RSL1D1: variants seen among roughly 807,000 people sequenced by gnomAD.
RSL1D1 encodes the protein ribosomal L1 domain-containing protein 1.
In RSL1D1, 34 loss-of-function variants were observed where a neutral mutation model predicts 44.6. That is an observed-to-expected ratio of 0.76 (90% CI 0.58 to 1.02). RSL1D1 has a LOEUF of 1.02. Ranked by LOEUF, RSL1D1 falls within the 50% of genes least tolerant of loss-of-function variation. The probability of loss-of-function intolerance (pLI) is 0.00; values close to 1 mark genes in which losing one functional copy is unlikely to be tolerated. For missense variants in RSL1D1, 767 were observed against 568.1 expected (o/e 1.35, Z -3.56); for synonymous variants, 271 against 207.4 (o/e 1.31, Z -2.63).
rs1160012655 is a variant in RSL1D1, at chr16:11,846,608, A to C, written c.534-6T>G. 7 of 1,608,522 alleles carry C rather than the reference A, an allele frequency of 4.4e-6. No homozygotes were observed. Among genetic ancestry groups the C allele is most frequent in the Non-Finnish European group, 6.0e-6 (7 of 1,175,576 alleles). On this transcript the variant is annotated splice_polypyrimidine_tract_variant and splice_region_variant and intron_variant, in intron 4 of 8. Transcript: ENST00000571133. ...GGTTTACAGATACTGGAACTCTACA[A>C]AATAAACACACAGGCATTCAGAACA...
rs1228004499 is a variant in RSL1D1, at chr16:11,841,889, G to A, written c.729+18C>T. 3 of 1,610,664 alleles carry A rather than the reference G, an allele frequency of 1.9e-6. No individual in the cohort carries two copies. Among genetic ancestry groups the A allele is most frequent in the South Asian group, 2.2e-5 (2 of 90,314 alleles). On this transcript the variant is annotated intron_variant, in intron 6 of 8. Coordinates refer to ENST00000571133, the MANE Select transcript of RSL1D1 (RefSeq NM_015659.3). ...TCTTTTAAATGAACAATCAATTGAT[G>A]CACCTGTAATACTGTACCTCTGGCA... is the stretch of plus-strand genomic sequence containing the variant.
intron 5 of RSL1D1, among the ~76,000 whole-genome samples, chr16:11,842,628 C>G (rs2053770536): frequency 6.6e-6 from 1 of 151,702 alleles, no homozygotes; most frequent in South Asian, 2.1e-4. Flanking sequence ...CCTGCCTCAA[C>G]CTCCCAAAGT....
In RSL1D1 at chr16:11,839,696, T is replaced by A; in HGVS notation, c.1145A>T (p.Glu382Val). The A allele has an allele frequency of 6.2e-7, 1 of 1,613,640 alleles. No homozygotes were observed. The highest frequency in any genetic ancestry group is 1.3e-5 in the African/African-American group (1 of 74,902). ...GAACAGTAAATATTAAAACAATACC[T>A]CTACTTTTTCATTAGCTGGAGTCTT... is the stretch of plus-strand genomic sequence containing the variant. ...GKKTPANEKV[E>V]IQKHATGKKS... Residue 382 changes from glutamate (E) to valine (V), a missense_variant and splice_region_variant, in exon 8 of 9, where the codon GAG becomes GTG. Physicochemically the swap from Glu to Val is moderately radical, Grantham distance 121. Coordinates refer to ENST00000571133, the MANE Select transcript of RSL1D1 (RefSeq NM_015659.3).
rs540493711 is a variant in RSL1D1 at position 11,840,871 on chromosome 16, G to C, written c.855+824C>G. Among the ~76,000 whole-genome samples, 4 of 152,258 alleles carry C rather than the reference G, an allele frequency of 2.6e-5. No homozygotes were observed. The South Asian group carries it at 8.3e-4, about 32-fold the overall frequency. On this transcript the variant is annotated intron_variant, in intron 7 of 8. Transcript: ENST00000571133. ...ATGAAACAGCGCCTTTTCTAGGGTT[G>C]GCTCTTGCCTGTTACCCTTTTCCCT...
intron 5 of RSL1D1, among the ~76,000 whole-genome samples, chr16:11,844,067 C>T (rs922268512): frequency 3.3e-5 from 5 of 151,884 alleles, no homozygotes; most frequent in African/African-American, 7.3e-5. Context: ...ACAGTGTCTG[C>T]GGAATGAGGA....
chr16:11,843,826 A>T (rs1201272735), intron 5 of RSL1D1, among the ~76,000 whole-genome samples: 9 of 138,134 alleles, frequency 6.5e-5, no homozygotes, highest in Non-Finnish European at 1.2e-4. Flanking sequence ...AGCTGAGATC[A>T]AGCCACTGCA....
chr16:11,838,805 C>T (rs1216278599), intron 8 of RSL1D1, among the ~76,000 whole-genome samples: 16 of 143,292 alleles, frequency 1.1e-4, no homozygotes, highest in Admixed American at 9.5e-4. Context: ...TGCTGTGAGC[C>T]GAGATCATGC....
chr16:11,847,944 G>T, intron 2 of RSL1D1, 138 bp from the exon 3 acceptor site: 1 of 845,308 alleles, frequency 1.2e-6, no homozygotes, highest in Non-Finnish European at 1.9e-6. Context: ...AATGCACCAA[G>T]AACAACACTT....
At chr16:11,850,852 C>G (rs2075159) in intron 1 of RSL1D1, among the ~76,000 whole-genome samples, 92,019 of 151,958 alleles carry the variant, frequency 0.61, 28,288 homozygotes, top group Non-Finnish European at 0.64. Context: ...ACCACGCCCA[C>G]CTAATTTTTG....
intron 5 of RSL1D1, among the ~76,000 whole-genome samples, chr16:11,846,002 G>A (rs1021669913): frequency 6.6e-6 from 1 of 151,744 alleles, no homozygotes; most frequent in Non-Finnish European, 1.5e-5. Flanking sequence ...CAAAGTGCTG[G>A]GATTACAGGC....
In RSL1D1 at chr16:11,837,912, C is replaced by G. The variant is rs2053733559; in HGVS notation, c.1348G>C (p.Asp450His). 2 of 1,613,990 alleles carry G rather than the reference C, an allele frequency of 1.2e-6. No individual in the cohort carries two copies. Among genetic ancestry groups the G allele is most frequent in the Middle Eastern group, 1.6e-4 (1 of 6,062 alleles). The change falls in exon 9 of 9, where the codon GAT becomes CAT. Residue 450 changes from aspartate (D) to histidine (H), a missense_variant. By Grantham distance (81) the Asp-to-His change is moderately conservative. Transcript: ENST00000571133. ...GGCTTTTTTGGAGTCTGTCTCGCATCTTTTTTCCCCAGCGAAGGACTTTTT... is the reference window on the plus strand; with the variant it reads ...GGCTTTTTTGGAGTCTGTCTCGCATGTTTTTTCCCCAGCGAAGGACTTTTT... ...KEKSPSLGKKDARQTPKKPEA... is the reference protein window; with the variant it reads ...KEKSPSLGKKHARQTPKKPEA...
chr16:11,837,638 C>A lies in RSL1D1; in HGVS notation c.*149G>T, dbSNP rs774569067. 1.4e-6 allele frequency: 1 copy of A among 712,708 alleles called. No homozygotes were observed. The highest frequency in any genetic ancestry group is 2.0e-5 in the South Asian group (1 of 49,728). 44.1% of individuals were successfully genotyped at this position (712,708 alleles called of 1,614,324 possible). ...GTGCTGGGATTACAGGCGTGAGCCA[C>A]CGCCCCTGGACTACTTATGGAGGTT... On this transcript the variant is annotated 3_prime_UTR_variant, in exon 9 of 9. Coordinates refer to ENST00000571133, the MANE Select transcript of RSL1D1 (RefSeq NM_015659.3).
intron 7 of RSL1D1, among the ~76,000 whole-genome samples, 158 bp from the exon 8 acceptor site, chr16:11,840,143 C>A (rs1486448773): frequency 6.6e-6 from 1 of 152,226 alleles, no homozygotes; most frequent in Non-Finnish European, 1.5e-5. Context: ...GGAACCTCAA[C>A]CGCAGTTTTT....
At chr16:11,841,379 G>A (rs1377770551) in intron 7 of RSL1D1, 2 of 242,022 alleles carry the variant, frequency 8.3e-6, no homozygotes, top group Non-Finnish European at 1.6e-5. Flanking sequence ...CTGTGCTCCA[G>A]CCTGGGGGAC....
intron 7 of RSL1D1, among the ~76,000 whole-genome samples, chr16:11,840,367 A>G (rs916243285): frequency 6.6e-6 from 1 of 152,182 alleles, no homozygotes; most frequent in African/African-American, 2.4e-5. Flanking sequence ...GGACTTCGAG[A>G]TCAGCCTGGT....
In RSL1D1 at chr16:11,837,355, AG is replaced by A. The variant is rs1383428790; in HGVS notation, c.*431del. 1 of 153,552 alleles carries A rather than the reference AG, an allele frequency of 6.5e-6. No homozygotes were observed. Among genetic ancestry groups the A allele is most frequent in the Non-Finnish European group, 1.4e-5 (1 of 69,886 alleles). 9.5% of individuals were successfully genotyped at this position (153,552 alleles called of 1,614,324 possible). A position where few individuals can be genotyped will look rare whatever the true frequency, so the allele number is the denominator to read the frequency against. ...GAACATATGTCAGGATTACTTATGG[AG>A]GTTTTATTATTTTTATTTATTTTTG... On this transcript the variant is annotated 3_prime_UTR_variant, in exon 9 of 9. Coordinates refer to ENST00000571133, the MANE Select transcript of RSL1D1 (RefSeq NM_015659.3).
In RSL1D1 at chr16:11,846,558, T is replaced by G; in HGVS notation, c.578A>C (p.Glu193Ala). The G allele has an allele frequency of 6.2e-7, 1 of 1,608,264 alleles. No homozygotes were observed. Among genetic ancestry groups the G allele is most frequent in the Non-Finnish European group, 8.5e-7 (1 of 1,177,612 alleles). Residue 193 changes from glutamate (E) to alanine (A), a missense_variant, in exon 5 of 9, where the codon GAG (glutamate) becomes GCG (alanine). Physicochemically the swap from Glu to Ala is moderately radical, Grantham distance 107. Coordinates refer to ENST00000571133, the MANE Select transcript of RSL1D1 (RefSeq NM_015659.3). ...VNLLSKNLSR[E>A]INDCIGGTVL... ...TGTTCCACCTATACAGTCATTGATCTCTCTTGATAAATTCTTGGACAGAAG... is the reference window on the plus strand; with the variant it reads ...TGTTCCACCTATACAGTCATTGATCGCTCTTGATAAATTCTTGGACAGAAG...
chr16:11,841,075 G>A (rs1031928743), intron 7 of RSL1D1, among the ~76,000 whole-genome samples: 5 of 152,052 alleles, frequency 3.3e-5, no homozygotes, highest in Non-Finnish European at 5.9e-5. Context: ...TTCTATGACC[G>A]GAAATATGTG....
intron 7 of RSL1D1, among the ~76,000 whole-genome samples, chr16:11,840,473 C>T (rs1263936200): frequency 1.3e-5 from 2 of 151,964 alleles, no homozygotes; most frequent in Non-Finnish European, 2.9e-5. Flanking sequence ...GGGTGAGGCA[C>T]AGAGAATCAT....
Sources: gnomAD v4.1 joint callset for allele counts (sites outside exome capture counted in the v4.1 genomes callset) on GRCh38, gnomAD v4.1.1 for gene constraint, MANE v1.5 for transcripts, NCBI Gene and HGNC (gene_info 2026-07-23, HGNC 2026-07-21) for gene names.